The following EFCAB6 variants were observed in gnomAD, a reference collection of about 807,000 sequenced individuals.
EFCAB6 encodes EF-hand calcium binding domain 6.
A neutral mutation model predicts 169.8 loss-of-function variants in EFCAB6; 156 were observed. That is an observed-to-expected ratio of 0.92 (90% confidence interval 0.81 to 1.05). EFCAB6 has a LOEUF of 1.05. Ranked by LOEUF, EFCAB6 falls within the 50% of genes least tolerant of loss-of-function variation. The pLI is 0.00. For missense variants in EFCAB6, 1,800 were observed against 1,829.1 expected (o/e 0.98, Z 0.29); for synonymous variants, 698 against 676.4 (o/e 1.03, Z -0.50).
At chr22:43,666,691 G>GTTTTGTTTTT (rs2057266546) in intron 17 of EFCAB6, among the ~76,000 whole-genome samples, 2 of 77,886 alleles carry the variant, frequency 2.6e-5, no homozygotes, top group Non-Finnish European at 2.3e-5. Context: ...CTGCCAGATT[G>GTTTTGTTTTT]TTTTTTTTTT....
At chr22:43,776,800 G>T (rs2061655787) in intron 3 of EFCAB6, among the ~76,000 whole-genome samples, 1 of 152,184 alleles carries the variant, frequency 6.6e-6, no homozygotes. Context: ...CCTGCAGAAA[G>T]GATGGCATTT....
chr22:43,762,352 C>A (rs2061191646), intron 5 of EFCAB6, among the ~76,000 whole-genome samples: 1 of 152,150 alleles, frequency 6.6e-6, no homozygotes, highest in South Asian at 2.1e-4. Context: ...TCTCCATACT[C>A]CAAATGGCAA....
At position 43,672,286 on chromosome 22, in the gene EFCAB6, C is replaced by T. The variant is rs781260326; in HGVS notation, c.1439G>A (p.Cys480Tyr). The T allele has an allele frequency of 6.2e-7, 1 of 1,614,092 alleles. No homozygotes were observed. Among genetic ancestry groups the T allele is most frequent in the South Asian group, 1.1e-5 (1 of 91,080 alleles). ...ENCRMRKTSP[C>Y]TDAKTPFLLA... ...GAGGAAAGGTGTCTTAGCATCTGTA[C>T]AGGGAGATGTCTTTCTCATCTAATT... Residue 480 changes from cysteine to tyrosine, a missense_variant, in exon 14 of 32, where the codon TGT (cysteine) becomes TAT (tyrosine). Transcript: ENST00000262726.
chr22:43,574,362 C>A (rs951946655), intron 26 of EFCAB6, among the ~76,000 whole-genome samples: 1 of 152,050 alleles, frequency 6.6e-6, no homozygotes, highest in Non-Finnish European at 1.5e-5. Flanking sequence ...AGAACACCAG[C>A]TCTGAAGCCG....
intron 13 of EFCAB6, among the ~76,000 whole-genome samples, chr22:43,674,381 A>G (rs1158616008): frequency 2.0e-5 from 3 of 152,194 alleles, no homozygotes. Context: ...TGGAGACAGG[A>G]CCACATCAGG....
At chr22:43,530,495 G>C (rs1426889237) in intron 31 of EFCAB6, 10 of 983,618 alleles carry the variant, frequency 1.0e-5, no homozygotes, top group Non-Finnish European at 1.2e-5. Flanking sequence ...TGTGGGGAGA[G>C]GGCTCGGAGC....
intron 10 of EFCAB6, among the ~76,000 whole-genome samples, chr22:43,706,558 G>A (rs2058967877): frequency 6.6e-6 from 1 of 152,148 alleles, no homozygotes; most frequent in South Asian, 2.1e-4. Context: ...TATAATAAGT[G>A]CTCAAGAATT....
rs185280015 is a variant in EFCAB6 at position 43,559,434 on chromosome 22, C to A, written c.3421-4338G>T. Among the ~76,000 whole-genome samples the A allele has an allele frequency of 4.0e-4, 61 of 152,290 alleles. 1 individual carries two copies. The Middle Eastern group carries it at 0.02, about 51-fold the overall frequency. ...TGGTGGGAGTATAAATTAGTTCAAC[C>A]ACTGTGGAAGACAGTGTGGTGATTC... is the stretch of plus-strand genomic sequence containing the variant. On this transcript the variant is annotated intron_variant, in intron 26 of 31. Transcript: ENST00000262726.
At chr22:43,550,737 A>G (rs536537795) in intron 27 of EFCAB6, among the ~76,000 whole-genome samples, 10 of 152,258 alleles carry the variant, frequency 6.6e-5, no homozygotes, top group Admixed American at 1.3e-4. Flanking sequence ...CTGCATATTA[A>G]AAGTCATCAA....
chr22:43,796,264 G>T (rs953233366), intron 2 of EFCAB6, among the ~76,000 whole-genome samples: 1 of 152,128 alleles, frequency 6.6e-6, no homozygotes, highest in Non-Finnish European at 1.5e-5. Context: ...TTCCCTGTCA[G>T]ACTATTAATG....
intron 6 of EFCAB6, among the ~76,000 whole-genome samples, chr22:43,752,846 T>C (rs578223462): frequency 6.6e-6 from 1 of 152,146 alleles, no homozygotes; most frequent in East Asian, 1.9e-4. Context: ...CGGTTTCTCA[T>C]AAGGGAAAAA....
At chr22:43,738,531 TCA>T (rs1015761713) in intron 6 of EFCAB6, among the ~76,000 whole-genome samples, 3 of 149,138 alleles carry the variant, frequency 2.0e-5, no homozygotes, top group African/African-American at 7.4e-5. Context: ...ACACATATAT[TCA>T]CACACACCTG....
chr22:43,679,351 G>A (rs914019959), intron 12 of EFCAB6, among the ~76,000 whole-genome samples: 3 of 151,948 alleles, frequency 2.0e-5, no homozygotes, highest in Non-Finnish European at 4.4e-5. Flanking sequence ...ATTCCCAATC[G>A]GGCATTACAT....
At chr22:43,656,217 C>T (rs1020484234) in intron 17 of EFCAB6, among the ~76,000 whole-genome samples, 5 of 151,872 alleles carry the variant, frequency 3.3e-5, no homozygotes, top group Non-Finnish European at 5.9e-5. Context: ...ATGGTGAAAC[C>T]CCGTCTCTAC....
chr22:43,633,219 C>T (rs2055110031), intron 18 of EFCAB6, among the ~76,000 whole-genome samples: 1 of 152,146 alleles, frequency 6.6e-6, no homozygotes, highest in Non-Finnish European at 1.5e-5. Flanking sequence ...CCTCTCGCTC[C>T]CCTAAAATTA....
intron 17 of EFCAB6, among the ~76,000 whole-genome samples, chr22:43,643,638 A>T (rs1381210418): frequency 6.6e-6 from 1 of 152,148 alleles, no homozygotes; most frequent in Non-Finnish European, 1.5e-5. Flanking sequence ...ACCCTGGGAG[A>T]CGCGTTGCTC....
At chr22:43,780,354 G>A (rs368618185) in intron 3 of EFCAB6, among the ~76,000 whole-genome samples, 7 of 152,020 alleles carry the variant, frequency 4.6e-5, no homozygotes, top group Admixed American at 6.6e-5. Context: ...AGGTGTGGTG[G>A]TGCATGCCTG....
chr22:43,570,469 C>T (rs544674498), intron 26 of EFCAB6, among the ~76,000 whole-genome samples: 1 of 152,276 alleles, frequency 6.6e-6, no homozygotes, highest in African/African-American at 2.4e-5. Context: ...TGATACTCTA[C>T]ACTTTGCACA....
chr22:43,535,122 A>G, intron 29 of EFCAB6: 1 of 470,098 alleles, frequency 2.1e-6, no homozygotes, highest in Non-Finnish European at 3.8e-6. Flanking sequence ...CAGCTTATGG[A>G]CAGAGACTAT....
Sources: allele counts gnomAD v4.1 joint callset (sites outside exome capture counted in the v4.1 genomes callset), GRCh38; gene constraint gnomAD v4.1.1; transcripts MANE v1.5; gene names NCBI Gene and HGNC (gene_info 2026-07-23, HGNC 2026-07-21).